The following RELN variants were observed in gnomAD, a reference collection of about 807,000 sequenced individuals.
RELN encodes the protein reelin.
RELN carries 108 observed loss-of-function variants against 427.6 expected under a neutral mutation model. The ratio of observed to expected loss-of-function variants is 0.25; its 90% CI spans 0.22 to 0.30. The LOEUF is 0.30. Among genes scored for constraint, RELN ranks in the 10% least tolerant of loss-of-function variants. RELN has a pLI of 1.00. For synonymous variants in RELN, 1,524 were observed against 1,513.4 expected (o/e 1.01, Z -0.16); for missense variants, 3,715 against 4,302.8 (o/e 0.86, Z 3.82).
intron 4 of RELN, among the ~76,000 whole-genome samples, chr7:103,756,236 A>G (rs650974): frequency 6.6e-6 from 1 of 151,944 alleles, no homozygotes; most frequent in Admixed American, 6.6e-5. Flanking sequence ...ACTGAAACAT[A>G]TACATCACAA....
At chr7:103,741,064 C>A (rs904133316) in intron 6 of RELN, among the ~76,000 whole-genome samples, 1 of 152,180 alleles carries the variant, frequency 6.6e-6, no homozygotes, top group Non-Finnish European at 1.5e-5. Context: ...CACTGGGTTT[C>A]TGACTCTTTT....
At chr7:103,635,278 G>T in intron 19 of RELN, 147 bp downstream of exon 19, 2 of 757,982 alleles carry the variant, frequency 2.6e-6, no homozygotes, top group Non-Finnish European at 4.2e-6. Context: ...GGGTTGGCTT[G>T]GTAGTTTTTC....
At chr7:103,615,529 C>A (rs747905576) in intron 20 of RELN, among the ~76,000 whole-genome samples, 2 of 152,146 alleles carry the variant, frequency 1.3e-5, no homozygotes, top group African/African-American at 4.8e-5. Flanking sequence ...TTTTGGACAT[C>A]GTGATTTTCT....
rs567629027 is a variant in RELN, at chr7:103,958,478, C to A, written c.226+30653G>T. On this transcript the variant is annotated intron_variant, in intron 1 of 64. Coordinates refer to ENST00000428762, the MANE Select transcript of RELN (RefSeq NM_005045.4). ...TTCATAGGTAGTTTTCTACGACTCACTGTCCTCTTAGCCACTCAATCATCT... is the reference window on the plus strand; with the variant it reads ...TTCATAGGTAGTTTTCTACGACTCAATGTCCTCTTAGCCACTCAATCATCT... Among the ~76,000 whole-genome samples the A allele has an allele frequency of 2.2e-3, 338 of 152,310 alleles. 1 individual carries two copies. Among genetic ancestry groups the A allele is most frequent in the African/African-American group, 7.8e-3 (325 of 41,562 alleles).
intron 28 of RELN, among the ~76,000 whole-genome samples, chr7:103,585,470 C>A (rs1831248835): frequency 6.6e-6 from 1 of 152,102 alleles, no homozygotes; most frequent in African/African-American, 2.4e-5. Flanking sequence ...GGATAAATTC[C>A]TGGAAACATA....
chr7:103,932,364 C>A (rs1795885003), intron 1 of RELN, among the ~76,000 whole-genome samples: 1 of 152,058 alleles, frequency 6.6e-6, no homozygotes, highest in Non-Finnish European at 1.5e-5. Flanking sequence ...AAGATGGGAA[C>A]AACAGACACT....
chr7:103,987,574 T>A (rs535183417), intron 1 of RELN, among the ~76,000 whole-genome samples: 3 of 152,332 alleles, frequency 2.0e-5, no homozygotes, highest in South Asian at 4.1e-4. Context: ...CTCACTCACT[T>A]ACCCACCGTT....
intron 1 of RELN, among the ~76,000 whole-genome samples, chr7:103,923,100 C>T (rs940576066): frequency 3.3e-5 from 5 of 152,118 alleles, no homozygotes; most frequent in African/African-American, 1.2e-4. Context: ...TTTAAGAAAA[C>T]ATCATTGCAT....
rs1477746109 is a variant in RELN, at chr7:103,551,123, T to C, written c.6246A>G (p.Gly2082=). 4.3e-6 allele frequency: 7 copies of C among 1,613,980 alleles called. No individual in the cohort carries two copies. The highest frequency in any genetic ancestry group is 5.9e-6 in the Non-Finnish European group (7 of 1,180,008). The part of the protein sequence containing the change: ...EHHPSSTYYA[G]TMQGWRREVV... The stretch of plus-strand genomic sequence containing the variant: ...CCTCCCTCCTCCAGCCCTGCATGGT[T>C]CCTGCGTAGTAGGTGCTGCTGGGGT... Residue 2082 remains glycine (G), a synonymous_variant, in exon 41 of 65, where the codon GGA becomes GGG. Transcript: ENST00000428762.
chr7:103,553,340 T>C (rs1432159992), intron 40 of RELN, 121 bp downstream of exon 40: 27 of 745,282 alleles, frequency 3.6e-5, no homozygotes, highest in East Asian at 2.7e-5. Flanking sequence ...CAAAATCTCT[T>C]ACATCCTTGC....
At chr7:103,513,111 A>G (rs1829469628) in intron 50 of RELN, 1 of 152,206 alleles carries the variant, frequency 6.6e-6, no homozygotes, top group South Asian at 2.1e-4. Flanking sequence ...TTGAATTCCG[A>G]TAAGAATACT....
intron 10 of RELN, among the ~76,000 whole-genome samples, chr7:103,691,327 T>TC (rs931188046): frequency 1.2e-4 from 18 of 151,572 alleles, no homozygotes; most frequent in East Asian, 5.8e-4. Flanking sequence ...GTTTAGATAG[T>TC]CCCCCCCGCC....
intron 1 of RELN, among the ~76,000 whole-genome samples, chr7:103,936,551 A>T (rs1456663497): frequency 6.6e-6 from 1 of 152,116 alleles, no homozygotes; most frequent in Non-Finnish European, 1.5e-5. Flanking sequence ...CCTTGGATAT[A>T]AGACAAAATC....
intron 7 of RELN, among the ~76,000 whole-genome samples, chr7:103,727,695 G>A (rs1427795115): frequency 6.6e-6 from 1 of 152,106 alleles, no homozygotes; most frequent in South Asian, 2.1e-4. Flanking sequence ...CTATGGCTAT[G>A]AACCAAAGTT....
chr7:103,607,193 A>G (rs1193164020), intron 22 of RELN, among the ~76,000 whole-genome samples: 1 of 152,050 alleles, frequency 6.6e-6, no homozygotes, highest in Non-Finnish European at 1.5e-5. Flanking sequence ...ATGTATACAT[A>G]TGTAACAAAC....
At chr7:103,780,478 T>C (rs781412716) in intron 3 of RELN, among the ~76,000 whole-genome samples, 17 of 152,340 alleles carry the variant, frequency 1.1e-4, no homozygotes, top group Non-Finnish European at 4.4e-5. Context: ...GGGTTTGTTG[T>C]ACAGATTACT....
intron 33 of RELN, 102 bp from the exon 34 acceptor site, chr7:103,565,653 G>T: frequency 8.6e-7 from 1 of 1,166,770 alleles, no homozygotes; most frequent in Non-Finnish European, 1.2e-6. Flanking sequence ...AAAAATCATG[G>T]CCTATCTTTA....
chr7:103,629,021 G>A (rs149353403), intron 20 of RELN, among the ~76,000 whole-genome samples: 6 of 152,104 alleles, frequency 3.9e-5, no homozygotes, highest in East Asian at 1.9e-4. Flanking sequence ...GGTCACTCTC[G>A]CCTGGGGGAA....
intron 3 of RELN, among the ~76,000 whole-genome samples, chr7:103,800,744 G>C (rs1428691266): frequency 1.6e-4 from 24 of 152,042 alleles, no homozygotes; most frequent in African/African-American, 3.6e-4. Context: ...TCTAATTAAA[G>C]TGAAGAGCTT....
Sources: allele counts gnomAD v4.1 joint callset (sites outside exome capture counted in the v4.1 genomes callset), GRCh38; gene constraint gnomAD v4.1.1; transcripts MANE v1.5; gene names NCBI Gene and HGNC (gene_info 2026-07-23, HGNC 2026-07-21).